PCDHGA8: variants seen among roughly 807,000 people sequenced by gnomAD.
PCDHGA8 encodes protocadherin gamma subfamily A, 8, also known as protocadherin gamma-A8.
PCDHGA8 carries 45 observed loss-of-function variants against 59.2 expected under a neutral mutation model. The observed-to-expected ratio is 0.76, with a 90% CI of 0.60 to 0.98. The LOEUF is 0.98. Among genes scored for constraint, PCDHGA8 ranks in the 50% least tolerant of loss-of-function variants. PCDHGA8 has a pLI of 0.00. For missense variants in PCDHGA8, 1,257 were observed against 1,196.2 expected (o/e 1.05, Z -0.75); for synonymous variants, 531 against 519.0 (o/e 1.02, Z -0.32).
intron 1 of PCDHGA8, among the ~76,000 whole-genome samples, chr5:141,433,837 C>CA (rs56191208): frequency 0.14 from 15,134 of 111,544 alleles, 1,164 homozygotes; most frequent in African/African-American, 0.25. Context: ...AACTCTATCT[C>CA]AAAAAAAAAA....
At chr5:141,435,306 T>C (rs2154556603) in intron 1 of PCDHGA8, among the ~76,000 whole-genome samples, 1 of 152,358 alleles carries the variant, frequency 6.6e-6, no homozygotes, top group East Asian at 1.9e-4. Flanking sequence ...TGGTTTTAAA[T>C]CATTCATGAA....
At chr5:141,460,842 C>T (rs1339558359) in intron 1 of PCDHGA8, among the ~76,000 whole-genome samples, 2 of 150,412 alleles carry the variant, frequency 1.3e-5, no homozygotes, top group African/African-American at 2.4e-5. Flanking sequence ...GTAATGGCCT[C>T]CAGTTCGATC....
intron 1 of PCDHGA8, among the ~76,000 whole-genome samples, chr5:141,425,350 A>G (rs926657846): frequency 6.6e-6 from 1 of 152,194 alleles, no homozygotes; most frequent in Non-Finnish European, 1.5e-5. Context: ...TGGCTTTGAA[A>G]TGTGATATTA....
chr5:141,400,503 G>T, intron 1 of PCDHGA8: 1 of 1,614,022 alleles, frequency 6.2e-7, no homozygotes, highest in Non-Finnish European at 8.5e-7. Context: ...ATTCCAGCGA[G>T]TCGACTTCCC....
At chr5:141,475,955 C>G (rs1562050812) in intron 1 of PCDHGA8, 8 of 800,218 alleles carry the variant, frequency 1.0e-5, no homozygotes, top group South Asian at 1.9e-5. Flanking sequence ...TTCTGCGCCC[C>G]GGGATGAGGC....
At chr5:141,399,762 C>T (rs1415096807) in intron 1 of PCDHGA8, 4 of 1,613,352 alleles carry the variant, frequency 2.5e-6, no homozygotes, top group Non-Finnish European at 2.5e-6. Flanking sequence ...TGAGCCTGCG[C>T]GTGTTGGTGG....
At position 141,491,711 on chromosome 5, in the gene PCDHGA8, C is replaced by T. The variant is rs528931820; in HGVS notation, c.2425-3096C>T. 1.5e-5 allele frequency: 24 copies of T among 1,609,240 alleles called. No homozygotes were observed. In the African/African-American group the frequency reaches 1.7e-4, roughly 12 times the overall value. On this transcript the variant is annotated intron_variant, in intron 1 of 3. Transcript: ENST00000398604. This position sits in a 1 kb window ranked among gnomAD's most constrained non-coding sequence, Gnocchi z 6.9. ...CGGGAGCGGAGCCAGGTGAGGGGCT[C>T]GGCGCCGCCCCGGGCGACCCCTGGG... is the stretch of plus-strand genomic sequence containing the variant.
rs763582836 is a variant in PCDHGA8 at position 141,404,442 on chromosome 5, A to G, written c.2424+9205A>G. Reference sequence around the variant, plus strand: ...TACTCCTTGGCAGAGGATACCATCCAAGGGTCTCCTCTCTCCACCTATGTC... The same window carrying G: ...TACTCCTTGGCAGAGGATACCATCCGAGGGTCTCCTCTCTCCACCTATGTC... On this transcript the variant is annotated intron_variant, in intron 1 of 3. Transcript: ENST00000398604. 21 of 1,610,906 alleles carry G rather than the reference A, an allele frequency of 1.3e-5. No homozygotes were observed. In the Admixed American group the frequency reaches 3.5e-4, roughly 27 times the overall value.
chr5:141,399,937 G>A lies in PCDHGA8; in HGVS notation c.2424+4700G>A. 1.9e-6 allele frequency: 3 copies of A among 1,612,360 alleles called. No individual in the cohort carries two copies. The highest frequency in any genetic ancestry group is 2.5e-6 in the Non-Finnish European group (3 of 1,179,744). ...ACACAACGCCTGGCTGTCCTACCAC[G>A]TGCTGCAGGCTAGCGAGCCCGGGCT... On this transcript the variant is annotated intron_variant, in intron 1 of 3. Transcript: ENST00000398604.
intron 1 of PCDHGA8, among the ~76,000 whole-genome samples, chr5:141,448,772 G>C (rs1034550563): frequency 1.5e-4 from 22 of 151,272 alleles, no homozygotes; most frequent in African/African-American, 3.7e-4. Context: ...AACCCCGTCT[G>C]TACTAAAAAT....
At chr5:141,472,778 G>T (rs1244170163) in intron 1 of PCDHGA8, among the ~76,000 whole-genome samples, 1 of 151,878 alleles carries the variant, frequency 6.6e-6, no homozygotes, top group Non-Finnish European at 1.5e-5. Flanking sequence ...CTGAGGTTGG[G>T]AGTTCAAGAT....
chr5:141,454,892 C>T (rs1389056318), intron 1 of PCDHGA8, among the ~76,000 whole-genome samples: 4 of 146,994 alleles, frequency 2.7e-5, no homozygotes, highest in Non-Finnish European at 5.9e-5. Context: ...ACTGCTAGCA[C>T]CGCCTCCCGG....
chr5:141,477,506 G>T lies in PCDHGA8; in HGVS notation c.2425-17301G>T, dbSNP rs766083208. 6.2e-7 allele frequency: 1 copy of T among 1,614,028 alleles called. No homozygotes were observed. The highest frequency in any genetic ancestry group is 8.5e-7 in the Non-Finnish European group (1 of 1,180,016). On this transcript the variant is annotated intron_variant, in intron 1 of 3. Coordinates refer to ENST00000398604, the MANE Select transcript of PCDHGA8 (RefSeq NM_032088.2). This position sits in a 1 kb window ranked among gnomAD's most constrained non-coding sequence, Gnocchi z 4.9. ...ACAATCTTCTCAATCTTCCTACGAC[G>T]TTTACATTGAAGAAAACAACCTCCC...
chr5:141,393,190 T>C lies in PCDHGA8; in HGVS notation c.377T>C (p.Ile126Thr). 6.2e-7 allele frequency: 1 copy of C among 1,613,384 alleles called. No individual in the cohort carries two copies. Among genetic ancestry groups the C allele is most frequent in the Non-Finnish European group, 8.5e-7 (1 of 1,179,882 alleles). ...GGGGTAGAAATAGAAATAATTGATA[T>C]TAACGATAATAACCCAAAATTCCAG... is the stretch of plus-strand genomic sequence containing the variant. The part of the protein sequence containing the change: ...LFGVEIEIID[I>T]NDNNPKFQVE... Residue 126 changes from isoleucine to threonine, a missense_variant, in exon 1 of 4, where the codon ATT (isoleucine) becomes ACT (threonine). By Grantham distance (89) the Ile-to-Thr change is moderately conservative. Coordinates refer to ENST00000398604, the MANE Select transcript of PCDHGA8 (RefSeq NM_032088.2).
rs371139792 is a variant in PCDHGA8 at position 141,490,160 on chromosome 5, C to A, written c.2425-4647C>A. On this transcript the variant is annotated intron_variant, in intron 1 of 3. Transcript: ENST00000398604. This position sits in a 1 kb window ranked among gnomAD's most constrained non-coding sequence, Gnocchi z 5.4. The stretch of plus-strand genomic sequence containing the variant: ...AGTGGGGCAATCCATGTGTTGGGTC[C>A]CATAGACTTTGAGGAGTCACGTTTC... The A allele has an allele frequency of 5.6e-6, 9 of 1,614,192 alleles. No homozygotes were observed. The highest frequency in any genetic ancestry group is 7.6e-6 in the Non-Finnish European group (9 of 1,180,016).
intron 1 of PCDHGA8, among the ~76,000 whole-genome samples, chr5:141,463,684 G>C (rs2099066814): frequency 6.6e-6 from 1 of 151,910 alleles, no homozygotes; most frequent in African/African-American, 2.4e-5. Flanking sequence ...ATGACCTCGT[G>C]ATCTGCTCAC....
rs1308015959 is a variant in PCDHGA8, at chr5:141,482,105, AT to A, written c.2425-12701del. Among the ~76,000 whole-genome samples, 417 of 143,332 alleles carry A rather than the reference AT, an allele frequency of 2.9e-3. 1 individual carries two copies. The highest frequency in any genetic ancestry group is 0.011 in the African/African-American group (394 of 37,394). 94.0% of individuals were successfully genotyped at this position (143,332 alleles called of 152,430 possible). Reference sequence around the variant, plus strand: ...ACTCCATCTCAAAAAAAAAAAAAAAATATCTAGAGATGGGAGAATCATATGG... The same window carrying A: ...ACTCCATCTCAAAAAAAAAAAAAAAAATCTAGAGATGGGAGAATCATATGG... On this transcript the variant is annotated intron_variant, in intron 1 of 3. Coordinates refer to ENST00000398604, the MANE Select transcript of PCDHGA8 (RefSeq NM_032088.2).
At chr5:141,428,021 C>A (rs1185050109) in intron 1 of PCDHGA8, 2 of 1,605,604 alleles carry the variant, frequency 1.2e-6, no homozygotes, top group Non-Finnish European at 1.7e-6. Flanking sequence ...TGCCACGCGC[C>A]GCAGAGTCCG....
intron 2 of PCDHGA8, among the ~76,000 whole-genome samples, chr5:141,498,889 C>T (rs1415870992): frequency 3.4e-5 from 5 of 146,174 alleles, no homozygotes; most frequent in African/African-American, 1.3e-4. Flanking sequence ...GCTGAGATCA[C>T]ACCACTGCAC....
Sources: gnomAD v4.1 joint callset for allele counts (sites outside exome capture counted in the v4.1 genomes callset) on GRCh38, gnomAD v4.1.1 for gene constraint, Gnocchi (gnomAD v3.1) non-coding constraint, MANE v1.5 for transcripts, NCBI Gene and HGNC (gene_info 2026-07-23, HGNC 2026-07-21) for gene names.